The following PLEKHA2 variants were observed in gnomAD, a reference collection of about 807,000 sequenced individuals.
PLEKHA2 encodes pleckstrin homology domain containing A2.
In PLEKHA2, 28 loss-of-function variants were observed where a neutral mutation model predicts 53.2. The observed-to-expected ratio is 0.53, with a 90% confidence interval of 0.39 to 0.72. The LOEUF (loss-of-function observed/expected upper bound fraction) is 0.72. Ranked by LOEUF, PLEKHA2 falls within the 30% of genes least tolerant of loss-of-function variation. The pLI, the probability that PLEKHA2 is intolerant of heterozygous loss-of-function variation, is 0.00. For missense variants in PLEKHA2, 426 were observed against 537.9 expected (o/e 0.79, Z 2.06); for synonymous variants, 193 against 196.4 (o/e 0.98, Z 0.14).
At chr8:38,952,555 C>A in intron 7 of PLEKHA2, 81 bp from the exon 8 acceptor site, 1 of 1,481,478 alleles carries the variant, frequency 6.8e-7, no homozygotes, top group Non-Finnish European at 9.2e-7. Flanking sequence ...GGGCTGGGTC[C>A]TTGGGAGCTT....
intron 9 of PLEKHA2, among the ~76,000 whole-genome samples, chr8:38,954,730 A>G (rs370886867): frequency 6.6e-6 from 1 of 152,144 alleles, no homozygotes; most frequent in African/African-American, 2.4e-5. Flanking sequence ...GTTTTAAAAA[A>G]ATATATATCT....
intron 4 of PLEKHA2, among the ~76,000 whole-genome samples, chr8:38,944,817 G>A (rs1032282444): frequency 6.6e-6 from 1 of 152,170 alleles, no homozygotes; most frequent in African/African-American, 2.4e-5. Context: ...CCATCATCTC[G>A]AACATTTTTT....
chr8:38,918,157 G>C lies in PLEKHA2; in HGVS notation c.141+87G>C. Reference sequence around the variant, plus strand: ...CACACAGGGTTAGCCTCCAGGCCTAGGCTCGTGAGCAACACAACCTGCTGA... The same window carrying C: ...CACACAGGGTTAGCCTCCAGGCCTACGCTCGTGAGCAACACAACCTGCTGA... On this transcript the variant is annotated intron_variant, in intron 2 of 11. Coordinates refer to ENST00000617275, the MANE Select transcript of PLEKHA2 (RefSeq NM_021623.2). 6 of 1,486,708 alleles carry C rather than the reference G, an allele frequency of 4.0e-6. 1 individual carries two copies. In the South Asian group the frequency reaches 7.9e-5, roughly 20 times the overall value. 92.1% of individuals were successfully genotyped at this position (1,486,708 alleles called of 1,614,324 possible).
At position 38,922,559 on chromosome 8, in the gene PLEKHA2, T is replaced by C. The variant is rs1043017045; in HGVS notation, c.141+4489T>C. 3.9e-5 allele frequency among the ~76,000 whole-genome samples: 6 copies of C among 152,218 alleles called. No homozygotes were observed. Among genetic ancestry groups the C allele is most frequent in the African/African-American group, 7.2e-5 (3 of 41,450 alleles). ...TGTGTGTGGTCGTTGAACATCTTTA[T>C]TTGATAGGGACAAGGAGATGCCTGC... On this transcript the variant is annotated intron_variant, in intron 2 of 11. Transcript: ENST00000617275. The surrounding 1 kb of genome is among the most constrained non-coding windows in gnomAD (Gnocchi z 4.0).
rs1397425884 is a variant in PLEKHA2, at chr8:38,971,954, A to C, written c.*2171A>C. The stretch of plus-strand genomic sequence containing the variant: ...AGAGCAAGACTCCATCTCAAAAAAA[A>C]AATTATCTGATAGGTTACTATTGCT... On this transcript the variant is annotated 3_prime_UTR_variant, in exon 12 of 12. Transcript: ENST00000617275. The C allele has an allele frequency of 2.6e-5, 4 of 152,014 alleles. No individual in the cohort carries two copies. The highest frequency in any genetic ancestry group is 5.9e-5 in the Non-Finnish European group (4 of 67,998). 9.4% of individuals were successfully genotyped at this position (152,014 alleles called of 1,614,324 possible). A position where few individuals can be genotyped will look rare whatever the true frequency, so the allele number is the denominator to read the frequency against.
intron 10 of PLEKHA2, among the ~76,000 whole-genome samples, chr8:38,958,188 A>C (rs551341311): frequency 6.6e-6 from 1 of 152,040 alleles, no homozygotes; most frequent in Admixed American, 6.6e-5. Context: ...TTAGCTGGAC[A>C]TGGTGGTGTC....
At chr8:38,940,200 C>A (rs548539941) in intron 3 of PLEKHA2, among the ~76,000 whole-genome samples, 1 of 151,896 alleles carries the variant, frequency 6.6e-6, no homozygotes, top group African/African-American at 2.4e-5. Flanking sequence ...GAGTTCCAGA[C>A]CAGCCTGGCC....
intron 2 of PLEKHA2, among the ~76,000 whole-genome samples, chr8:38,929,153 G>C (rs1475909217): frequency 6.6e-6 from 1 of 152,212 alleles, no homozygotes; most frequent in Non-Finnish European, 1.5e-5. Flanking sequence ...AGCAATGTCA[G>C]CTCATGCCCT....
intron 5 of PLEKHA2, among the ~76,000 whole-genome samples, chr8:38,946,468 T>TC (rs1834717082): frequency 6.6e-6 from 1 of 152,214 alleles, no homozygotes; most frequent in Admixed American, 6.5e-5. Flanking sequence ...CTGGGAGGGC[T>TC]CCCGATCAGT....
intron 1 of PLEKHA2, among the ~76,000 whole-genome samples, chr8:38,902,326 C>T (rs1206619636): frequency 2.0e-5 from 3 of 152,116 alleles, no homozygotes; most frequent in Non-Finnish European, 2.9e-5. Flanking sequence ...CACATCTCCT[C>T]CCCGGGGCCA....
rs1834825624 is a variant in PLEKHA2 at position 38,951,000 on chromosome 8, C to T, written c.486+10C>T. 2 of 1,549,752 alleles carry T rather than the reference C, an allele frequency of 1.3e-6. No homozygotes were observed. Among genetic ancestry groups the T allele is most frequent in the Non-Finnish European group, 1.7e-6 (2 of 1,143,162 alleles). ...CACACCCATCAGCCAGGTGAGGGGCCTGACTGGGGCTGCGGGGGGAGTGGG... is the reference window on the plus strand; with the variant it reads ...CACACCCATCAGCCAGGTGAGGGGCTTGACTGGGGCTGCGGGGGGAGTGGG... On this transcript the variant is annotated intron_variant, in intron 6 of 11. Transcript: ENST00000617275.
chr8:38,957,497 C>G, intron 10 of PLEKHA2, 111 bp downstream of exon 10: 1 of 936,824 alleles, frequency 1.1e-6, no homozygotes. Context: ...AGTTTCTAGG[C>G]AGTAAATTTA....
intron 3 of PLEKHA2, among the ~76,000 whole-genome samples, chr8:38,937,931 C>T (rs1834527070): frequency 6.6e-6 from 1 of 152,186 alleles, no homozygotes; most frequent in South Asian, 2.1e-4. Flanking sequence ...GTGTGCTTCT[C>T]TGCTGTCTGC....
At chr8:38,901,817 G>C (rs1833790571) in intron 1 of PLEKHA2, 1 of 152,196 alleles carries the variant, frequency 6.6e-6, no homozygotes, top group South Asian at 2.1e-4. Context: ...TTCTCTGCGG[G>C]TTCTGGCGCT....
chr8:38,914,928 T>C (rs1453734090), intron 1 of PLEKHA2, among the ~76,000 whole-genome samples: 1 of 147,674 alleles, frequency 6.8e-6, no homozygotes, highest in Admixed American at 6.8e-5. Flanking sequence ...TCTTCCTTCT[T>C]CTCCTTTTTC....
At chr8:38,904,004 A>AAGGG (rs1377446760) in intron 1 of PLEKHA2, among the ~76,000 whole-genome samples, 1 of 152,168 alleles carries the variant, frequency 6.6e-6, no homozygotes, top group Non-Finnish European at 1.5e-5. Context: ...GGAAGGAAGG[A>AAGGG]AAGCAAATAT....
chr8:38,946,209 C>G lies in PLEKHA2; in HGVS notation c.333C>G (p.Ala111=), dbSNP rs1367822068. 6.2e-7 allele frequency: 1 copy of G among 1,601,692 alleles called. No individual in the cohort carries two copies. The highest frequency in any genetic ancestry group is 8.5e-7 in the Non-Finnish European group (1 of 1,173,768). ...ACTGGGTTGAAGCCCTGAACCAAGCCAGCAAGATCACCGTAAGTTTGGTTT... is the reference window on the plus strand; with the variant it reads ...ACTGGGTTGAAGCCCTGAACCAAGCGAGCAAGATCACCGTAAGTTTGGTTT... The part of the protein sequence containing the change: ...MKDWVEALNQ[A]SKITVPKGGG... Residue 111 remains alanine (A), a synonymous_variant, in exon 5 of 12, where the codon GCC becomes GCG. Coordinates refer to ENST00000617275, the MANE Select transcript of PLEKHA2 (RefSeq NM_021623.2).
At chr8:38,952,090 C>G in intron 6 of PLEKHA2, 76 bp from the exon 7 acceptor site, 1 of 1,514,996 alleles carries the variant, frequency 6.6e-7, no homozygotes, top group East Asian at 2.4e-5. Context: ...GCCAGAGATT[C>G]AGGCAGAGGG....
chr8:38,913,753 C>T (rs2092444562), intron 1 of PLEKHA2, among the ~76,000 whole-genome samples: 1 of 152,236 alleles, frequency 6.6e-6, no homozygotes, highest in South Asian at 2.1e-4. Context: ...CCCCCGCCCC[C>T]AGCCAGCGCC....
Sources: gnomAD v4.1 joint callset for allele counts (sites outside exome capture counted in the v4.1 genomes callset) on GRCh38, gnomAD v4.1.1 for gene constraint, Gnocchi (gnomAD v3.1) non-coding constraint, MANE v1.5 for transcripts, NCBI Gene and HGNC (gene_info 2026-07-23, HGNC 2026-07-21) for gene names.